The following CYP24A1 variants were observed in gnomAD, a reference collection of about 807,000 sequenced individuals.
The protein encoded by CYP24A1 is 1,25-dihydroxyvitamin D(3) 24-hydroxylase, mitochondrial.
CYP24A1 carries 68 observed loss-of-function variants against 62.4 expected under a neutral mutation model. The ratio of observed to expected loss-of-function variants is 1.09; its 90% confidence interval spans 0.90 to 1.33. The LOEUF (loss-of-function observed/expected upper bound fraction) is 1.33, where lower values mean the gene tolerates loss of function less well. Ranked by LOEUF, CYP24A1 falls within the 40% of genes most tolerant of loss-of-function variation. CYP24A1 has a pLI of 0.00. For synonymous variants in CYP24A1, 267 were observed against 253.0 expected (o/e 1.06, Z -0.52); for missense variants, 787 against 653.0 (o/e 1.21, Z -2.24).
At chr20:54,166,724 CT>C (rs1274916727) in intron 4 of CYP24A1, among the ~76,000 whole-genome samples, 23 of 149,442 alleles carry the variant, frequency 1.5e-4, no homozygotes, top group East Asian at 5.8e-4. Context: ...CTCTTGTAAC[CT>C]TTTTTTTTTA....
At chr20:54,169,248 G>T (rs1211146954) in intron 4 of CYP24A1, among the ~76,000 whole-genome samples, 1 of 151,988 alleles carries the variant, frequency 6.6e-6, no homozygotes, top group African/African-American at 2.4e-5. Flanking sequence ...TTACTCCTTG[G>T]AAGAGTATAT....
chr20:54,159,180 A>G, intron 7 of CYP24A1, 57 bp from the exon 8 acceptor site: 2 of 1,406,104 alleles, frequency 1.4e-6, no homozygotes, highest in Admixed American at 1.7e-5. Context: ...TTAAACCACT[A>G]TTAGCTGAAA....
At chr20:54,144,587 T>A in the CYP24A1 span, among the ~76,000 whole-genome samples, 5 of 150,754 alleles carry the variant, frequency 3.3e-5, 1 homozygote, top group Admixed American at 3.3e-4. Context: ...TTACCATATA[T>A]AAATTATAAT....
Position 54,162,783 on chromosome 20 carries a change from C to T in CYP24A1, c.924G>A (p.Gln308=). The T allele has an allele frequency of 6.4e-7, 1 of 1,573,480 alleles. No individual in the cohort carries two copies. The highest frequency in any genetic ancestry group is 8.7e-7 in the Non-Finnish European group (1 of 1,143,256). Residue 308 remains glutamine (Q), a synonymous_variant, in exon 7 of 12, where the codon CAG becomes CAA. Coordinates refer to ENST00000216862, the MANE Select transcript of CYP24A1 (RefSeq NM_000782.5). ...ACAATTCTTTCTTTGAAAGCCGATT[C>T]TGGTGATAAATGTCACAAAGGAAAT... ...SADFLCDIYH[Q]NRLSKKELYA... is the part of the protein sequence containing the mutation.
At chr20:54,155,118 A>C (rs753873310) in intron 11 of CYP24A1, among the ~76,000 whole-genome samples, 1 of 152,178 alleles carries the variant, frequency 6.6e-6, no homozygotes, top group Non-Finnish European at 1.5e-5. Context: ...CTGGGGTGTC[A>C]CAATGCAGCT....
At chr20:54,146,945 G>A in the CYP24A1 span, among the ~76,000 whole-genome samples, 11 of 152,306 alleles carry the variant, frequency 7.2e-5, no homozygotes, top group Non-Finnish European at 1.2e-4. Context: ...TCCAACCCAG[G>A]AGATTAGGAA....
rs147740581 is a variant in CYP24A1, at chr20:54,156,019, A to G, written c.*10+1150T>C. Among the ~76,000 whole-genome samples, 118 of 152,328 alleles carry G rather than the reference A, an allele frequency of 7.7e-4. 1 individual carries two copies. The highest frequency in any genetic ancestry group is 2.8e-3 in the African/African-American group (117 of 41,580). On this transcript the variant is annotated intron_variant, in intron 11 of 11. Transcript: ENST00000216862. Reference sequence around the variant, plus strand: ...CATGAGAACTCCTCTATTGTCAGAAAAAGTATTGAATGGCATACTGCAGAA... The same window carrying G: ...CATGAGAACTCCTCTATTGTCAGAAGAAGTATTGAATGGCATACTGCAGAA...
In CYP24A1 at chr20:54,173,658, G is replaced by C; in HGVS notation, c.-79C>G. On this transcript the variant is annotated 5_prime_UTR_variant, in exon 1 of 12. Coordinates refer to ENST00000216862, the MANE Select transcript of CYP24A1 (RefSeq NM_000782.5). This position sits in a 1 kb window ranked among gnomAD's most constrained non-coding sequence, Gnocchi z 7.2. ...TTGGTACGAGGTGCTAGTGGGAGTC[G>C]GGGCTTAACGATTCTGGGAAAAGGA... is the stretch of plus-strand genomic sequence containing the variant. 1 of 946,254 alleles carries C rather than the reference G, an allele frequency of 1.1e-6. No homozygotes were observed. Among genetic ancestry groups the C allele is most frequent in the Admixed American group, 2.2e-5 (1 of 44,932 alleles). 58.6% of individuals were successfully genotyped at this position (946,254 alleles called of 1,614,324 possible). A position where few individuals can be genotyped will look rare whatever the true frequency, so the allele number is the denominator to read the frequency against.
rs1200573302 is a variant in CYP24A1, at chr20:54,154,467, G to A, written c.*305C>T. 1 of 152,226 alleles carries A rather than the reference G, an allele frequency of 6.6e-6. No individual in the cohort carries two copies. Among genetic ancestry groups the A allele is most frequent in the East Asian group, 1.9e-4 (1 of 5,188 alleles). 9.4% of individuals were successfully genotyped at this position (152,226 alleles called of 1,614,324 possible). A position where few individuals can be genotyped will look rare whatever the true frequency, so the allele number is the denominator to read the frequency against. On this transcript the variant is annotated 3_prime_UTR_variant, in exon 12 of 12. Coordinates refer to ENST00000216862, the MANE Select transcript of CYP24A1 (RefSeq NM_000782.5). Reference sequence around the variant, plus strand: ...CCCAGCCCCAGAAAATTTAGCTGTTGTAGGTCATTCATTGTGAAATGTAAA... The same window carrying A: ...CCCAGCCCCAGAAAATTTAGCTGTTATAGGTCATTCATTGTGAAATGTAAA...
chr20:54,173,430 G>A lies in CYP24A1; in HGVS notation c.150C>T (p.Gly50=), dbSNP rs566481776. 4.1e-4 allele frequency: 643 copies of A among 1,569,648 alleles called. 9 individuals are homozygous for A. The South Asian group carries it at 7.1e-3, about 17-fold the overall frequency. The part of the protein sequence containing the change: ...EVPVCPLTAG[G]ETQNAAALPG... ...GCAGGGCGGCCGCGTTCTGAGTCTC[G>A]CCACCAGCTGTCAGCGGGCAGACTG... Residue 50 remains glycine, a synonymous_variant, in exon 1 of 12, where the codon GGC becomes GGT. Coordinates refer to ENST00000216862, the MANE Select transcript of CYP24A1 (RefSeq NM_000782.5). This position sits in a 1 kb window ranked among gnomAD's most constrained non-coding sequence, Gnocchi z 7.2.
intron 6 of CYP24A1, among the ~76,000 whole-genome samples, chr20:54,163,389 C>A (rs950420793): frequency 1.2e-4 from 18 of 152,194 alleles, no homozygotes; most frequent in Non-Finnish European, 1.9e-4. Flanking sequence ...ATATTTATAA[C>A]ATAAAATCTA....
chr20:54,150,917 G>C (rs2092611559), downstream of CYP24A1, among the ~76,000 whole-genome samples: 1 of 152,206 alleles, frequency 6.6e-6, no homozygotes, highest in Non-Finnish European at 1.5e-5. Context: ...CAAAAGAAAT[G>C]TGCTGGGCCC....
At chr20:54,171,522 A>G in intron 3 of CYP24A1, 55 bp downstream of exon 3, 2 of 1,613,376 alleles carry the variant, frequency 1.2e-6, no homozygotes, top group Non-Finnish European at 1.7e-6. Flanking sequence ...TTGAAGCTCC[A>G]CCAATATCCC....
At position 54,159,040 on chromosome 20, in the gene CYP24A1, A is replaced by G. The variant is rs2092640257; in HGVS notation, c.1074T>C (p.Ser358=). ...VQQKLLKEIQ[S]VLPENQVPRA... is the part of the protein sequence containing the mutation. ...GTGGCACCTGATTCTCAGGTAATAC[A>G]CTTTGAATTTCCTTAAGAAGCTTTT... The change falls in exon 8 of 12, where the codon AGT becomes AGC. Residue 358 remains serine, a synonymous_variant. Coordinates refer to ENST00000216862, the MANE Select transcript of CYP24A1 (RefSeq NM_000782.5). The G allele has an allele frequency of 6.2e-7, 1 of 1,614,076 alleles. No homozygotes were observed. Among genetic ancestry groups the G allele is most frequent in the Non-Finnish European group, 8.5e-7 (1 of 1,180,030 alleles).
rs2092633262 is a variant in CYP24A1, at chr20:54,157,477, GATTA to G, written c.1341_1344del (p.Asn448LeufsTer19). 1 of 1,600,474 alleles carries G rather than the reference GATTA, an allele frequency of 6.2e-7. No homozygotes were observed. The highest frequency in any genetic ancestry group is 8.6e-7 in the Non-Finnish European group (1 of 1,167,542). Reference sequence around the variant, plus strand: ...ACGCCAAATGGAAGATGCGCAAAAGGATTAATTTTTTCCTTCTCCTGAAGCCAAC... The same window carrying G: ...ACGCCAAATGGAAGATGCGCAAAAGGATTTTTTCCTTCTCCTGAAGCCAAC... On this transcript the variant is annotated frameshift_variant, in exon 10 of 12. Transcript: ENST00000216862. LOFTEE classifies it high-confidence loss of function.
At position 54,166,735 on chromosome 20, in the gene CYP24A1, A is replaced by T. The variant is rs546605733; in HGVS notation, c.641-902T>A. Among the ~76,000 whole-genome samples, 1,016 of 150,864 alleles carry T rather than the reference A, an allele frequency of 6.7e-3. 9 individuals are homozygous for T. The highest frequency in any genetic ancestry group is 0.023 in the African/African-American group (936 of 41,038). On this transcript the variant is annotated intron_variant, in intron 4 of 11. Transcript: ENST00000216862. ...TTATCTCTTGTAACCTTTTTTTTTT[A>T]AAAAAAGGACACAGGGCCGAGCGTG...
chr20:54,159,397 G>GTTTTTT (rs10689729), intron 7 of CYP24A1, among the ~76,000 whole-genome samples: 7 of 140,118 alleles, frequency 5.0e-5, no homozygotes, highest in East Asian at 4.2e-4. Context: ...TTTAAATACA[G>GTTTTTT]TTTTTTTTTT....
chr20:54,164,971 A>G (rs2092666139), intron 5 of CYP24A1, among the ~76,000 whole-genome samples: 1 of 152,236 alleles, frequency 6.6e-6, no homozygotes, highest in Admixed American at 6.5e-5. Flanking sequence ...AAAAGATAAA[A>G]TCTGAAAAAT....
At chr20:54,167,462 C>T (rs905917284) in intron 4 of CYP24A1, among the ~76,000 whole-genome samples, 3 of 152,116 alleles carry the variant, frequency 2.0e-5, no homozygotes, top group Non-Finnish European at 4.4e-5. Flanking sequence ...TGGCAAAACC[C>T]CATCTCTACT....
Sources: allele counts gnomAD v4.1 joint callset (sites outside exome capture counted in the v4.1 genomes callset), GRCh38; gene constraint gnomAD v4.1.1; non-coding constraint Gnocchi (gnomAD v3.1); transcripts MANE v1.5; gene names NCBI Gene and HGNC (gene_info 2026-07-23, HGNC 2026-07-21).